The following PIR variants were observed in gnomAD, a reference collection of about 807,000 sequenced individuals.
The protein encoded by PIR is pirin.
PIR carries 22 observed loss-of-function variants against 24.2 expected under a neutral mutation model. The ratio of observed to expected loss-of-function variants is 0.91; its 90% CI spans 0.65 to 1.30. PIR has a LOEUF of 1.30. PIR is among the 50% of genes most tolerant of loss of function. The probability of loss-of-function intolerance (pLI) is 0.00; values close to 1 mark genes in which losing one functional copy is unlikely to be tolerated. For synonymous variants in PIR, 80 were observed against 79.6 expected, an observed-to-expected ratio of 1.00 and a Z score of -0.03; for missense variants, 220 against 220.3, an observed-to-expected ratio of 1.00 and a Z score of 0.01.
Position 15,398,669 on chromosome X carries a change from G to GTGTGTGTGTGTGTGT in PIR, c.611-1139_611-1138insACACACACACACACA, listed in dbSNP as rs1555952785. On this transcript the variant is annotated intron_variant, in intron 7 of 9. Coordinates refer to ENST00000380420, the MANE Select transcript of PIR (RefSeq NM_001018109.3). ...AAATTGACAGCCCTTGAGGAGGGAG[G>GTGTGTGTGTGTGTGT]GTGTGTGTGTGTGTGTGTGTGTGTG... Among the ~76,000 whole-genome samples, 345 of 76,089 alleles carry GTGTGTGTGTGTGTGT rather than the reference G, an allele frequency of 4.5e-3. 4 individuals are homozygous for GTGTGTGTGTGTGTGT. The highest frequency in any genetic ancestry group is 8.0e-3 in the African/African-American group (166 of 20,836). The allele number at this position is 76,089 out of a possible 115,157, so 66.1% of individuals were successfully genotyped here. A position where few individuals can be genotyped will look rare whatever the true frequency, so the allele number is the denominator to read the frequency against.
chrX:15,411,787 C>T (rs1474672351), intron 6 of PIR, among the ~76,000 whole-genome samples: 1 of 111,521 alleles, frequency 9.0e-6, no homozygotes, highest in Non-Finnish European at 1.9e-5. Context: ...TCTTCCCTCC[C>T]GCTCCTCCTT....
chrX:15,450,752 A>G (rs1192133373), intron 5 of PIR, among the ~76,000 whole-genome samples: 1 of 112,487 alleles, frequency 8.9e-6, no homozygotes, highest in African/African-American at 3.2e-5. Flanking sequence ...TGCATGTGCT[A>G]TAAAAGTATT....
chrX:15,418,394 T>C (rs1279165559), intron 6 of PIR, among the ~76,000 whole-genome samples: 1 of 112,412 alleles, frequency 8.9e-6, no homozygotes, highest in Non-Finnish European at 1.9e-5. Flanking sequence ...TAAATCAGTT[T>C]ACAGCAAAAG....
chrX:15,432,068 A>G (rs1378551279), intron 5 of PIR, among the ~76,000 whole-genome samples: 1 of 111,099 alleles, frequency 9.0e-6, no homozygotes, highest in African/African-American at 3.3e-5. Flanking sequence ...AAAAATAGCA[A>G]TAACTAAATA....
At chrX:15,441,791 G>A (rs1331883374) in intron 5 of PIR, among the ~76,000 whole-genome samples, 5 of 111,419 alleles carry the variant, frequency 4.5e-5, no homozygotes, top group African/African-American at 1.3e-4. Flanking sequence ...TCTGTCAAGA[G>A]GTAAGCCTGC....
intron 5 of PIR, among the ~76,000 whole-genome samples, chrX:15,452,181 T>C (rs1920972701): frequency 8.9e-6 from 1 of 111,799 alleles, no homozygotes; most frequent in Non-Finnish European, 1.9e-5. Context: ...TAGAGGCGTG[T>C]TTTTGGAAAA....
intron 9 of PIR, among the ~76,000 whole-genome samples, chrX:15,387,073 C>CTTTTT (rs764572854): frequency 0.035 from 445 of 12,540 alleles, 12 homozygotes; most frequent in Non-Finnish European, 0.056. Context: ...CTTTTCTTTT[C>CTTTTT]TTTTTTTTTT....
chrX:15,417,867 C>T (rs748722193), intron 6 of PIR, among the ~76,000 whole-genome samples: 1 of 111,172 alleles, frequency 9.0e-6, no homozygotes, highest in African/African-American at 3.3e-5. Flanking sequence ...ATTTATGACA[C>T]AGGGTCCACC....
intron 2 of PIR, among the ~76,000 whole-genome samples, chrX:15,484,263 C>A (rs1415044199): frequency 1.9e-5 from 2 of 107,361 alleles, no homozygotes; most frequent in African/African-American, 6.8e-5. Context: ...CTGGTGAGGG[C>A]CCAGAAAGAA....
At position 15,456,043 on chromosome X, in the gene PIR, C is replaced by A; in HGVS notation, c.285G>T (p.Ala95=). Reference sequence around the variant, plus strand: ...TCTCAGCGTGCAGAATGCCCCGGCCCGCAGTCATCCACTGCAAACACAAAA... The same window carrying A: ...TCTCAGCGTGCAGAATGCCCCGGCCAGCAGTCATCCACTGCAAACACAAAA... ...MNPGDLQWMT[A]GRGILHAEMP... is the part of the protein sequence containing the mutation. The change falls in exon 5 of 10, where the codon GCG becomes GCT. Residue 95 remains alanine, a synonymous_variant. Coordinates refer to ENST00000380420, the MANE Select transcript of PIR (RefSeq NM_001018109.3). The A allele has an allele frequency of 8.3e-7, 1 of 1,209,339 alleles. No homozygotes were observed. Among genetic ancestry groups the A allele is most frequent in the Non-Finnish European group, 1.1e-6 (1 of 893,866 alleles).
intron 3 of PIR, chrX:15,464,514 C>A: frequency 1.8e-6 from 1 of 558,264 alleles, no homozygotes; most frequent in Non-Finnish European, 2.2e-6. Flanking sequence ...GGCAGTGAGA[C>A]ACAAGGAGAA....
intron 3 of PIR, among the ~76,000 whole-genome samples, chrX:15,462,438 G>A (rs779875299): frequency 9.1e-6 from 1 of 110,476 alleles, no homozygotes; most frequent in African/African-American, 3.3e-5. Context: ...AAAACAGAGT[G>A]GAAATATTGT....
chrX:15,476,560 T>C (rs963266717), intron 3 of PIR, among the ~76,000 whole-genome samples: 7 of 111,183 alleles, frequency 6.3e-5, no homozygotes, highest in Non-Finnish European at 1.1e-4. Flanking sequence ...GCCCAATCCC[T>C]CTTAACACTA....
At chrX:15,392,744 C>A (rs1923998515) in intron 8 of PIR, among the ~76,000 whole-genome samples, 1 of 112,019 alleles carries the variant, frequency 8.9e-6, no homozygotes. Flanking sequence ...TTTAAAAAGT[C>A]TCTGTTTAAC....
chrX:15,452,488 A>G lies in PIR; in HGVS notation c.480+3360T>C, dbSNP rs758939483. Among the ~76,000 whole-genome samples the G allele has an allele frequency of 2.9e-4, 33 of 111,944 alleles. No homozygotes were observed. The East Asian group carries it at 8.7e-3, about 30-fold the overall frequency. On this transcript the variant is annotated intron_variant, in intron 5 of 9. Transcript: ENST00000380420. ...CATACAGCTACCCTTGGTAGTATCA[A>G]AAAGGCAGTTTTGTTGCTCATAAAA...
intron 7 of PIR, among the ~76,000 whole-genome samples, chrX:15,403,993 C>CTTTTTTTT (rs151011282): frequency 1.1e-5 from 1 of 89,910 alleles, no homozygotes; most frequent in African/African-American, 4.0e-5. Context: ...CCAGCATTTT[C>CTTTTTTTT]TTTTTTTTTT....
chrX:15,481,328 T>C (rs1003854081), intron 2 of PIR, among the ~76,000 whole-genome samples: 2 of 112,433 alleles, frequency 1.8e-5, no homozygotes, highest in Non-Finnish European at 3.8e-5. Context: ...TGTTTGTGAT[T>C]GTCTTGCTTA....
chrX:15,404,689 G>C (rs1224408735), intron 7 of PIR, among the ~76,000 whole-genome samples: 1 of 112,332 alleles, frequency 8.9e-6, no homozygotes, highest in East Asian at 2.8e-4. Flanking sequence ...ACATATTCAA[G>C]AGCTATTTCT....
At chrX:15,418,198 G>T (rs1924989502) in intron 6 of PIR, among the ~76,000 whole-genome samples, 3 of 111,519 alleles carry the variant, frequency 2.7e-5, no homozygotes. Context: ...AGAGGCAAAG[G>T]TGCTGTAAAA....
Sources: gnomAD v4.1 joint callset for allele counts (sites outside exome capture counted in the v4.1 genomes callset) on GRCh38, gnomAD v4.1.1 for gene constraint, MANE v1.5 for transcripts, NCBI Gene and HGNC (gene_info 2026-07-23, HGNC 2026-07-21) for gene names.